BCKDHB: variants seen among roughly 807,000 people sequenced by gnomAD.
BCKDHB encodes the protein branched chain keto acid dehydrogenase E1 subunit beta, also known as 2-oxoisovalerate dehydrogenase subunit beta, mitochondrial.
BCKDHB carries 41 observed loss-of-function variants against 48.5 expected under a neutral mutation model. That is an observed-to-expected ratio of 0.85 (90% CI 0.66 to 1.10). The LOEUF is 1.10. Ranked by LOEUF, BCKDHB falls within the 50% of genes least tolerant of loss-of-function variation. The pLI is 0.00. For synonymous variants in BCKDHB, 201 were observed against 174.8 expected (o/e 1.15, Z -1.18); for missense variants, 496 against 494.2 (o/e 1.00, Z -0.03).
chr6:80,325,619 G>A (rs1768994688), intron 9 of BCKDHB, among the ~76,000 whole-genome samples: 1 of 152,146 alleles, frequency 6.6e-6, no homozygotes, highest in South Asian at 2.1e-4. Context: ...ATTTGATGGT[G>A]GTGATCACAT....
At chr6:80,357,894 C>T in the BCKDHB span, among the ~76,000 whole-genome samples, 3 of 152,172 alleles carry the variant, frequency 2.0e-5, no homozygotes, top group Non-Finnish European at 4.4e-5. Context: ...TGTATCCATG[C>T]TTTTTTCTTC....
chr6:80,359,353 C>T, the BCKDHB span, among the ~76,000 whole-genome samples: 7 of 152,142 alleles, frequency 4.6e-5, no homozygotes, highest in Non-Finnish European at 1.0e-4. Context: ...GGCCTTGGCA[C>T]AGCCAGTCAA....
At chr6:80,415,414 A>T in the BCKDHB span, among the ~76,000 whole-genome samples, 1 of 152,098 alleles carries the variant, frequency 6.6e-6, no homozygotes, top group African/African-American at 2.4e-5. Flanking sequence ...TGGTTTTGTC[A>T]TAGATGGTCC....
intron 6 of BCKDHB, among the ~76,000 whole-genome samples, 160 bp from the exon 7 acceptor site, chr6:80,200,774 G>C (rs1022145118): frequency 7.9e-5 from 12 of 151,960 alleles, no homozygotes; most frequent in Non-Finnish European, 1.8e-4. Context: ...TAATGTCATG[G>C]AGCCATATCA....
At chr6:80,196,521 G>A (rs1240977447) in intron 6 of BCKDHB, among the ~76,000 whole-genome samples, 1 of 152,104 alleles carries the variant, frequency 6.6e-6, no homozygotes, top group African/African-American at 2.4e-5. Flanking sequence ...TCACAGTTGA[G>A]CGTGTGCTTC....
chr6:80,232,070 A>C (rs184616153), intron 8 of BCKDHB, among the ~76,000 whole-genome samples: 63 of 152,334 alleles, frequency 4.1e-4, no homozygotes, highest in African/African-American at 1.3e-3. Flanking sequence ...ACTTAGCGTC[A>C]TTACAGCATA....
chr6:80,153,206 C>T (rs1771876111), intron 3 of BCKDHB, among the ~76,000 whole-genome samples: 1 of 152,038 alleles, frequency 6.6e-6, no homozygotes, highest in Non-Finnish European at 1.5e-5. Flanking sequence ...AGTGGTAAAC[C>T]TCAGGATTTT....
At position 80,203,162 on chromosome 6, in the gene BCKDHB, G is replaced by A; in HGVS notation, c.901G>A (p.Val301Ile). The change falls in exon 8 of 10, where the codon GTC becomes ATC. Residue 301 changes from valine to isoleucine, a missense_variant. Transcript: ENST00000320393. ...AGAAAAGCTTGGAGTGTCTTGTGAA[G>A]TCATTGATCTGAGGACTATAATACC... is the stretch of plus-strand genomic sequence containing the variant. ...AKEKLGVSCE[V>I]IDLRTIIPWD... 1 of 1,612,866 alleles carries A rather than the reference G, an allele frequency of 6.2e-7. No homozygotes were observed. Among genetic ancestry groups the A allele is most frequent in the African/African-American group, 1.3e-5 (1 of 74,946 alleles).
At chr6:80,372,539 G>A in the BCKDHB span, among the ~76,000 whole-genome samples, 89 of 152,208 alleles carry the variant, frequency 5.8e-4, no homozygotes, top group Middle Eastern at 3.4e-3. Context: ...TTCTCAGGGG[G>A]AATGCTTTCA....
rs535512811 is a variant in BCKDHB, at chr6:80,304,322, A to G, written c.1038+31101A>G. On this transcript the variant is annotated intron_variant, in intron 9 of 9. Transcript: ENST00000320393. Reference sequence around the variant, plus strand: ...GCCATTGCTACATTTTGGATTTTGAATTTCTGAATCTGGCTAAGTTTGCAA... The same window carrying G: ...GCCATTGCTACATTTTGGATTTTGAGTTTCTGAATCTGGCTAAGTTTGCAA... Among the ~76,000 whole-genome samples the G allele has an allele frequency of 2.6e-5, 4 of 152,048 alleles. No homozygotes were observed. In the South Asian group the frequency reaches 8.3e-4, roughly 31 times the overall value.
intron 3 of BCKDHB, among the ~76,000 whole-genome samples, chr6:80,146,053 T>C (rs768189891): frequency 4.0e-4 from 61 of 152,258 alleles, no homozygotes; most frequent in Admixed American, 1.4e-3. Flanking sequence ...CAGCACTGCT[T>C]CCCTACCTTG....
At chr6:80,143,872 A>C (rs927503729) in intron 3 of BCKDHB, among the ~76,000 whole-genome samples, 1 of 152,086 alleles carries the variant, frequency 6.6e-6, no homozygotes, top group Non-Finnish European at 1.5e-5. Context: ...GGCTCTTGGA[A>C]ACTCTAGTAT....
At chr6:80,343,499 CG>C in intron 9 of BCKDHB, 164 bp from the exon 10 acceptor site, 1 of 737,150 alleles carries the variant, frequency 1.4e-6, no homozygotes, top group Non-Finnish European at 2.2e-6. Context: ...TGGGATCATG[CG>C]AACATGCTGT....
intron 9 of BCKDHB, among the ~76,000 whole-genome samples, chr6:80,306,029 G>T (rs1767856905): frequency 6.6e-6 from 1 of 152,142 alleles, no homozygotes; most frequent in Non-Finnish European, 1.5e-5. Flanking sequence ...GGAAAAAATA[G>T]CAGTACTTCT....
At chr6:80,250,460 G>C (rs1294108921) in intron 8 of BCKDHB, among the ~76,000 whole-genome samples, 1 of 152,082 alleles carries the variant, frequency 6.6e-6, no homozygotes, top group African/African-American at 2.4e-5. Context: ...TTCCCAAACC[G>C]TGATCACAGC....
At chr6:80,364,215 A>C in the BCKDHB span, among the ~76,000 whole-genome samples, 1 of 152,238 alleles carries the variant, frequency 6.6e-6, no homozygotes, top group African/African-American at 2.4e-5. Context: ...GAACTCAAAC[A>C]TGCAATTACC....
At chr6:80,205,791 GGTGTGTGTGTGT>G (rs3840387) in intron 8 of BCKDHB, among the ~76,000 whole-genome samples, 59 of 135,168 alleles carry the variant, frequency 4.4e-4, no homozygotes, top group African/African-American at 1.3e-3. Context: ...CTGTGCCATG[GGTGTGTGTGTGT>G]GTGTGTGTGT....
intron 6 of BCKDHB, among the ~76,000 whole-genome samples, chr6:80,179,681 C>T (rs1773323189): frequency 6.6e-6 from 1 of 151,986 alleles, no homozygotes; most frequent in Non-Finnish European, 1.5e-5. Context: ...GTATATAGTC[C>T]AAGGTTTGAA....
chr6:80,352,899 GTTTAT>G, the BCKDHB span, among the ~76,000 whole-genome samples: 6 of 152,164 alleles, frequency 3.9e-5, no homozygotes, highest in Non-Finnish European at 7.3e-5. Flanking sequence ...CTCCATGGAA[GTTTAT>G]TTTGTTTTTA....
Sources: allele counts gnomAD v4.1 joint callset (sites outside exome capture counted in the v4.1 genomes callset), GRCh38; gene constraint gnomAD v4.1.1; transcripts MANE v1.5; gene names NCBI Gene and HGNC (gene_info 2026-07-23, HGNC 2026-07-21).